The following GEMIN5 variants were observed in gnomAD, a reference collection of about 807,000 sequenced individuals.
GEMIN5 encodes the protein gem nuclear organelle associated protein 5, also known as gem-associated protein 5.
A neutral mutation model predicts 176.9 loss-of-function variants in GEMIN5; 124 were observed. That is an observed-to-expected ratio of 0.70 (90% CI 0.61 to 0.81). GEMIN5 has a LOEUF of 0.81. Ranked by LOEUF, GEMIN5 falls within the 40% of genes least tolerant of loss-of-function variation. The pLI, the probability that GEMIN5 is intolerant of heterozygous loss-of-function variation, is 0.00. For synonymous variants in GEMIN5, 673 were observed against 665.2 expected (o/e 1.01, Z -0.18); for missense variants, 1,843 against 1,814.6 (o/e 1.02, Z -0.28).
intron 5 of GEMIN5, among the ~76,000 whole-genome samples, chr5:154,930,166 C>T (rs1275199274): frequency 6.6e-6 from 1 of 152,088 alleles, no homozygotes; most frequent in Non-Finnish European, 1.5e-5. Context: ...TAACCATTTT[C>T]TCCCATCAAA....
chr5:154,921,313 T>C lies in GEMIN5; in HGVS notation c.1462+30A>G, dbSNP rs367583783. The C allele has an allele frequency of 3.2e-5, 30 of 926,646 alleles. No homozygotes were observed. In the East Asian group the frequency reaches 4.2e-4, roughly 13 times the overall value. 57.4% of individuals were successfully genotyped at this position (926,646 alleles called of 1,614,324 possible). The stretch of plus-strand genomic sequence containing the variant: ...TTAAACTGAAGGAAGAATACTCTCA[T>C]ATTTGTTATGGAATTGTTCAGATAC... On this transcript the variant is annotated intron_variant, in intron 10 of 27. Transcript: ENST00000285873.
rs758455478 is a variant in GEMIN5 at position 154,896,134 on chromosome 5, G to A, written c.3555C>T (p.Asn1185=). 1 of 1,613,956 alleles carries A rather than the reference G, an allele frequency of 6.2e-7. No individual in the cohort carries two copies. The highest frequency in any genetic ancestry group is 1.7e-5 in the Admixed American group (1 of 59,978). ...TATTTGTAGCAGATGGGTACTTGAT[G>A]TTCTGCAGCTTCTGAAAGGCTTCCT... ...QYQEAFQKLQ[N]IKYPSATNNT... Residue 1185 remains asparagine, a synonymous_variant, in exon 24 of 28, where the codon AAC becomes AAT. Transcript: ENST00000285873.
chr5:154,909,969 A>G (rs1340050670), intron 15 of GEMIN5, among the ~76,000 whole-genome samples: 1 of 136,320 alleles, frequency 7.3e-6, no homozygotes, highest in African/African-American at 2.8e-5. Flanking sequence ...ACAGAGTAAG[A>G]CTCCGTTTCA....
At chr5:154,893,419 A>G (rs1386437803) in intron 24 of GEMIN5, among the ~76,000 whole-genome samples, 1 of 144,282 alleles carries the variant, frequency 6.9e-6, no homozygotes, top group African/African-American at 2.6e-5. Flanking sequence ...ACGCTGTCTC[A>G]AAAAAAAAAA....
At chr5:154,929,552 A>G (rs1191828206) in intron 5 of GEMIN5, among the ~76,000 whole-genome samples, 1 of 152,198 alleles carries the variant, frequency 6.6e-6, no homozygotes, top group Non-Finnish European at 1.5e-5. Flanking sequence ...CGGACTCAGT[A>G]GATCTGAGGT....
At chr5:154,889,531 C>A (rs1239415208) in intron 26 of GEMIN5, 114 bp from the exon 27 acceptor site, 2 of 551,640 alleles carry the variant, frequency 3.6e-6, no homozygotes, top group Non-Finnish European at 6.4e-6. Flanking sequence ...CCATCTTAGC[C>A]ATTTAAAAAT....
At chr5:154,899,839 C>T (rs916966284) in intron 21 of GEMIN5, among the ~76,000 whole-genome samples, 1 of 152,002 alleles carries the variant, frequency 6.6e-6, no homozygotes, top group African/African-American at 2.4e-5. Flanking sequence ...TTCTCTGCTG[C>T]ATTCCAAAGT....
At chr5:154,904,191 G>A (rs1763523930) in intron 18 of GEMIN5, among the ~76,000 whole-genome samples, 2 of 152,130 alleles carry the variant, frequency 1.3e-5, no homozygotes, top group Admixed American at 1.3e-4. Flanking sequence ...AAGAGTTGAA[G>A]GAGTTTATTC....
chr5:154,931,669 A>T, intron 4 of GEMIN5, 92 bp from the exon 5 acceptor site: 3 of 1,033,664 alleles, frequency 2.9e-6, no homozygotes, highest in Non-Finnish European at 4.3e-6. Flanking sequence ...AAACTTAGCT[A>T]TCTCTTTCAT....
At chr5:154,929,419 T>C (rs1469399809) in intron 5 of GEMIN5, among the ~76,000 whole-genome samples, 1 of 152,202 alleles carries the variant, frequency 6.6e-6, no homozygotes, top group Non-Finnish European at 1.5e-5. Context: ...GTGAACGTGC[T>C]GTGGGTGGGG....
At chr5:154,895,807 G>C (rs1763335878) in intron 24 of GEMIN5, among the ~76,000 whole-genome samples, 3 of 152,146 alleles carry the variant, frequency 2.0e-5, no homozygotes, top group African/African-American at 4.8e-5. Context: ...AGAATCACTT[G>C]AATCTGGGAG....
chr5:154,893,255 TA>T lies in GEMIN5; in HGVS notation c.3598-707del, dbSNP rs70981957. Among the ~76,000 whole-genome samples the T allele has an allele frequency of 2.6e-3, 227 of 85,674 alleles. 2 individuals carry two copies. Among genetic ancestry groups the T allele is most frequent in the African/African-American group, 0.011 (212 of 20,026 alleles). The allele number at this position is 85,674 out of a possible 152,430, so 56.2% of individuals were successfully genotyped here. A position where few individuals can be genotyped will look rare whatever the true frequency, so the allele number is the denominator to read the frequency against. The stretch of plus-strand genomic sequence containing the variant: ...ATCACCCGAGGTGAAAGCCCGTCTC[TA>T]AAAAAAAAAAAAAAAAAAAAAAAAT... On this transcript the variant is annotated intron_variant, in intron 24 of 27. Transcript: ENST00000285873.
rs1204617232 is a variant in GEMIN5, at chr5:154,928,599, A to G, written c.842T>C (p.Val281Ala). The G allele has an allele frequency of 6.2e-7, 1 of 1,613,838 alleles. No homozygotes were observed. The highest frequency in any genetic ancestry group is 2.2e-5 in the East Asian group (1 of 44,880). The change falls in exon 6 of 28, where the codon GTT becomes GCT. Residue 281 changes from valine (V) to alanine (A), a missense_variant. Physicochemically the swap from Val to Ala is moderately conservative, Grantham distance 64 (BLOSUM62 0). Transcript: ENST00000285873. Reference protein sequence around the residue: ...KRRGGGIDPTVKERLWLTLHW... With the variant: ...KRRGGGIDPTAKERLWLTLHW... ...GAGTGTCAACCAAAGGCGCTCTTTA[A>G]CAGTTGGGTCTATACCCCCTCCTCT... is the stretch of plus-strand genomic sequence containing the variant.
At position 154,919,977 on chromosome 5, in the gene GEMIN5, T is replaced by A. The variant is rs374060277; in HGVS notation, c.1589A>T (p.Asn530Ile). The change falls in exon 11 of 28, where the codon AAT (asparagine) becomes ATT (isoleucine). Residue 530 changes from asparagine (N) to isoleucine (I), a missense_variant. Transcript: ENST00000285873. ...ACCACAAGAACTCACTTTGATTGAA[T>A]TGGTGTCCCTGATGAGTTTGTTGAT... is the stretch of plus-strand genomic sequence containing the variant. ...FDINKLIRDT[N>I]SIKYKLPVHT... is the part of the protein sequence containing the mutation. 3 of 1,613,486 alleles carry A rather than the reference T, an allele frequency of 1.9e-6. No individual in the cohort carries two copies. The highest frequency in any genetic ancestry group is 4.5e-5 in the East Asian group (2 of 44,818).
rs543717275 is a variant in GEMIN5 at position 154,892,518 on chromosome 5, A to G, written c.3629T>C (p.Leu1210Pro). The G allele has an allele frequency of 3.7e-6, 6 of 1,614,168 alleles. No homozygotes were observed. Among genetic ancestry groups the G allele is most frequent in the South Asian group, 1.1e-5 (1 of 91,082 alleles). Residue 1210 changes from leucine to proline, a missense_variant, in exon 25 of 28, where the codon CTG (leucine) becomes CCG (proline). Physicochemically the swap from Leu to Pro is moderately conservative, Grantham distance 98. Coordinates refer to ENST00000285873, the MANE Select transcript of GEMIN5 (RefSeq NM_015465.5). Reference sequence around the variant, plus strand: ...GGCCATCTGTTGGCTCAGCACTGCCAGGGTCAAGTCATGGCAAATGTGAAG... The same window carrying G: ...GGCCATCTGTTGGCTCAGCACTGCCGGGGTCAAGTCATGGCAAATGTGAAG... ...LLLHICHDLT[L>P]AVLSQQMASW...
At chr5:154,930,565 T>C (rs769552021) in intron 5 of GEMIN5, among the ~76,000 whole-genome samples, 1 of 152,150 alleles carries the variant, frequency 6.6e-6, no homozygotes, top group Non-Finnish European at 1.5e-5. Flanking sequence ...CTCGGGGATA[T>C]ATGCTAAGTG....
Position 154,912,884 on chromosome 5 carries a change from A to C in GEMIN5, c.1995+15T>G, listed in dbSNP as rs779150859. 3.1e-6 allele frequency: 5 copies of C among 1,607,502 alleles called. No homozygotes were observed. The highest frequency in any genetic ancestry group is 2.6e-6 in the Non-Finnish European group (3 of 1,176,322). ...ACACAGTGAAGGACCCACAGGGACA[A>C]GGACACAATAGTACCTGGGCTGTAC... On this transcript the variant is annotated intron_variant, in intron 14 of 27. Transcript: ENST00000285873.
intron 27 of GEMIN5, 89 bp from the exon 28 acceptor site, chr5:154,888,466 A>C: frequency 9.4e-7 from 1 of 1,062,626 alleles, no homozygotes; most frequent in South Asian, 1.5e-5. Context: ...ACTCAGGTTC[A>C]TCTATAGACA....
Position 154,901,430 on chromosome 5 carries a change from G to A in GEMIN5, c.2923C>T (p.Gln975Ter), listed in dbSNP as rs754010625. The change falls in exon 21 of 28, where the codon CAG becomes TAG. Residue 975 changes from glutamine to a stop codon, truncating the protein, a stop_gained. Coordinates refer to ENST00000285873, the MANE Select transcript of GEMIN5 (RefSeq NM_015465.5). LOFTEE classifies it high-confidence loss of function. Reference protein sequence around the residue: ...VEAFAKQLCFQDQYVKAASHL... With the variant: ...VEAFAKQLCF ...GAAGCAGCCTTGACATACTGATCCT[G>A]AAAACACAGCTGTTTGGCAAAAGCT... 1 of 1,613,884 alleles carries A rather than the reference G, an allele frequency of 6.2e-7. No homozygotes were observed. Among genetic ancestry groups the A allele is most frequent in the Non-Finnish European group, 8.5e-7 (1 of 1,179,816 alleles).
Sources: gnomAD v4.1 joint callset for allele counts (sites outside exome capture counted in the v4.1 genomes callset) on GRCh38, gnomAD v4.1.1 for gene constraint, MANE v1.5 for transcripts, NCBI Gene and HGNC (gene_info 2026-07-23, HGNC 2026-07-21) for gene names.